CD200: variants seen among roughly 807,000 people sequenced by gnomAD.
CD200 encodes OX-2 membrane glycoprotein.
CD200 carries 15 observed loss-of-function variants against 30.9 expected under a neutral mutation model. The observed-to-expected ratio is 0.49, with a 90% confidence interval of 0.32 to 0.75. The LOEUF (loss-of-function observed/expected upper bound fraction) is 0.75, where lower values mean the gene tolerates loss of function less well. Ranked by LOEUF, CD200 falls within the 30% of genes least tolerant of loss-of-function variation. The probability of loss-of-function intolerance (pLI) is 0.03; values close to 1 mark genes in which losing one functional copy is unlikely to be tolerated. For missense variants in CD200, 262 were observed against 324.2 expected (o/e 0.81, Z 1.47); for synonymous variants, 134 against 126.2 (o/e 1.06, Z -0.41).
At chr3:112,334,593 G>A (rs2081071266) in intron 1 of CD200, among the ~76,000 whole-genome samples, 1 of 151,860 alleles carries the variant, frequency 6.6e-6, no homozygotes, top group Admixed American at 6.6e-5. Context: ...CCATTAGATT[G>A]GTACTATTAC....
intron 5 of CD200, among the ~76,000 whole-genome samples, chr3:112,351,250 A>G (rs1423020680): frequency 2.0e-5 from 3 of 152,156 alleles, no homozygotes; most frequent in Middle Eastern, 3.2e-3. Context: ...TGATGCCCCA[A>G]TGTCTTGACT....
At chr3:112,341,669 G>A (rs995013572) in intron 2 of CD200, among the ~76,000 whole-genome samples, 1 of 152,070 alleles carries the variant, frequency 6.6e-6, no homozygotes, top group African/African-American at 2.4e-5. Context: ...CAACTGACCA[G>A]AGGAATCTAA....
At chr3:112,335,745 C>G (rs1242914457) in intron 1 of CD200, 1 of 585,452 alleles carries the variant, frequency 1.7e-6, no homozygotes, top group South Asian at 1.9e-5. Context: ...GACTCCTTGT[C>G]TCTGGCAGTT....
In CD200 at chr3:112,349,716, T is replaced by C. The variant is rs1199578824; in HGVS notation, c.699T>C (p.Tyr233=). ...TDFKQTVNKG[Y]WFSVPLLLSI... ...TTCTTTCTTCAATATCTATAGGCTA[T>C]TGGTTTTCAGTTCCGCTATTGCTAA... The change falls in exon 5 of 6, where the codon TAT becomes TAC. Residue 233 remains tyrosine (Y), a synonymous_variant. Transcript: ENST00000315711. The C allele has an allele frequency of 6.2e-7, 1 of 1,611,972 alleles. No individual in the cohort carries two copies. Among genetic ancestry groups the C allele is most frequent in the South Asian group, 1.1e-5 (1 of 90,586 alleles).
rs189454315 is a variant in CD200, at chr3:112,333,330, A to G, written c.12+106A>G. 7.1e-4 allele frequency: 1,051 copies of G among 1,477,234 alleles called. 1 individual carries two copies. Among genetic ancestry groups the G allele is most frequent in the Middle Eastern group, 1.6e-3 (9 of 5,656 alleles). The allele number at this position is 1,477,234 out of a possible 1,614,324, so 91.5% of individuals were successfully genotyped here. ...AAGGCGCGGAGCTTCGGCTCTTGCC[A>G]CAATCTGGTCCGGGGACTAGATCAG... On this transcript the variant is annotated intron_variant, in intron 1 of 5. Coordinates refer to ENST00000315711, the MANE Select transcript of CD200 (RefSeq NM_005944.7).
chr3:112,337,329 T>C (rs977292642), intron 1 of CD200, among the ~76,000 whole-genome samples: 9 of 152,114 alleles, frequency 5.9e-5, no homozygotes, highest in African/African-American at 1.4e-4. Flanking sequence ...ATGACTGTAA[T>C]CAGGCTCATA....
chr3:112,357,312 C>G (rs970358334), intron 5 of CD200, among the ~76,000 whole-genome samples: 1 of 148,472 alleles, frequency 6.7e-6, no homozygotes, highest in African/African-American at 2.5e-5. Context: ...GTACCTAAAA[C>G]GAATGATACG....
rs1442372662 is a variant in CD200, at chr3:112,347,637, C to T, written c.501C>T (p.Ala167=). ...NITCSATARP[A]PMVFWKVPRS... ...CTTGCTCTGCCACTGCCCGCCCAGC[C>T]CCCATGGTCTTCTGGAAGGTCCCTC... The change falls in exon 4 of 6, where the codon GCC becomes GCT. Residue 167 remains alanine (A), a synonymous_variant. Transcript: ENST00000315711. 6.2e-7 allele frequency: 1 copy of T among 1,613,910 alleles called. No individual in the cohort carries two copies. The highest frequency in any genetic ancestry group is 2.2e-5 in the East Asian group (1 of 44,896).
chr3:112,337,376 G>A (rs1220352457), intron 1 of CD200, among the ~76,000 whole-genome samples: 2 of 152,132 alleles, frequency 1.3e-5, no homozygotes, highest in Non-Finnish European at 2.9e-5. Flanking sequence ...TGAGGGGGAA[G>A]ACATTTCATG....
chr3:112,340,224 A>C (rs988415856), intron 1 of CD200, among the ~76,000 whole-genome samples: 3 of 152,188 alleles, frequency 2.0e-5, no homozygotes, highest in Admixed American at 1.3e-4. Context: ...CCATGGCACT[A>C]TTGCAGAGAA....
intron 5 of CD200, among the ~76,000 whole-genome samples, chr3:112,351,911 C>T (rs562146385): frequency 5.3e-4 from 80 of 152,244 alleles, no homozygotes; most frequent in African/African-American, 1.8e-3. Context: ...AAAGAGGGTG[C>T]TGCCAGGCTG....
rs1393046206 is a variant in CD200 at position 112,340,961 on chromosome 3, A to G, written c.72A>G (p.Ala24=). 2 of 1,611,886 alleles carry G rather than the reference A, an allele frequency of 1.2e-6. No homozygotes were observed. The highest frequency in any genetic ancestry group is 2.7e-5 in the African/African-American group (2 of 74,886). The stretch of plus-strand genomic sequence containing the variant: ...ACAGCCTGGTTTGGGTCATGGCAGC[A>G]GTGGTGCTGTGCACAGCACAAGGTA... The part of the protein sequence containing the change: ...STYSLVWVMA[A]VVLCTAQVQV... Residue 24 remains alanine (A), a synonymous_variant, in exon 2 of 6, where the codon GCA becomes GCG. Coordinates refer to ENST00000315711, the MANE Select transcript of CD200 (RefSeq NM_005944.7).
rs2081748228 is a variant in CD200, at chr3:112,361,875, GA to G, written c.*326del. 1 of 374,754 alleles carries G rather than the reference GA, an allele frequency of 2.7e-6. No individual in the cohort carries two copies. The highest frequency in any genetic ancestry group is 5.6e-5 in the South Asian group (1 of 17,962). 23.2% of individuals were successfully genotyped at this position (374,754 alleles called of 1,614,324 possible). ...ACTGACTTGGGCTCCTACTGGTGGG[GA>G]CCTCTGTTAGTCACTTTACCTCATC... On this transcript the variant is annotated 3_prime_UTR_variant, in exon 6 of 6. Transcript: ENST00000315711.
At chr3:112,341,982 ATCTTTCATTCCCTGATATTGTGGGGGAG>A (rs1233229035) in intron 2 of CD200, among the ~76,000 whole-genome samples, 3 of 152,076 alleles carry the variant, frequency 2.0e-5, no homozygotes, top group African/African-American at 7.2e-5. Context: ...TGTTATACCC[ATCTTTCATTCCCTGATATTGTGGGGGAG>A]TTGCTTGTTT....
intron 2 of CD200, among the ~76,000 whole-genome samples, chr3:112,343,349 G>A (rs1205693785): frequency 6.6e-6 from 1 of 151,838 alleles, no homozygotes; most frequent in African/African-American, 2.4e-5. Flanking sequence ...TGTCACCCAG[G>A]CTGGAGTACA....
rs2081646440 is a variant in CD200, at chr3:112,357,294, A to AG, written c.803-4249_803-4248insG. On this transcript the variant is annotated intron_variant, in intron 5 of 5. Coordinates refer to ENST00000315711, the MANE Select transcript of CD200 (RefSeq NM_005944.7). ...AAAAAAGAAAGAAAGAAAGAAAGAA[A>AG]AAGAAAAGTACCTAAAACGAATGAT... Among the ~76,000 whole-genome samples, 3 of 151,264 alleles carry AG rather than the reference A, an allele frequency of 2.0e-5. No homozygotes were observed. The South Asian group carries it at 6.3e-4, about 32-fold the overall frequency.
At chr3:112,332,707 A>T (rs1234066499), upstream of CD200, 3 of 161,354 alleles carry the variant, frequency 1.9e-5, no homozygotes, top group Non-Finnish European at 4.1e-5. Flanking sequence ...GAAAGGTGAA[A>T]TCATTACGGA....
rs1357223610 is a variant in CD200, at chr3:112,345,137, T to C, written c.270T>C (p.Tyr90=). 3.7e-6 allele frequency: 6 copies of C among 1,614,072 alleles called. No homozygotes were observed. Among genetic ancestry groups the C allele is most frequent in the East Asian group, 4.5e-5 (2 of 44,886 alleles). ...ENHGVVIQPA[Y]KDKINITQLG... ...ATGGGGTGGTGATCCAGCCTGCCTA[T>C]AAGGACAAGATAAACATTACCCAGC... The change falls in exon 3 of 6, where the codon TAT becomes TAC. Residue 90 remains tyrosine, a synonymous_variant. Coordinates refer to ENST00000315711, the MANE Select transcript of CD200 (RefSeq NM_005944.7).
At chr3:112,361,202 AT>A (rs11301407) in intron 5 of CD200, among the ~76,000 whole-genome samples, 43,706 of 148,410 alleles carry the variant, frequency 0.29, 8,256 homozygotes, top group East Asian at 0.57. Context: ...ATGTCCAGCT[AT>A]TTTTTTTTTT....
Sources: allele counts gnomAD v4.1 joint callset (sites outside exome capture counted in the v4.1 genomes callset), GRCh38; gene constraint gnomAD v4.1.1; transcripts MANE v1.5; gene names NCBI Gene and HGNC (gene_info 2026-07-23, HGNC 2026-07-21).